IL1RAPL2: variants seen among roughly 807,000 people sequenced by gnomAD.
IL1RAPL2 encodes the protein interleukin 1 receptor accessory protein like 2, also known as X-linked interleukin-1 receptor accessory protein-like 2.
IL1RAPL2 carries 3 observed loss-of-function variants against 44.1 expected under a neutral mutation model. The observed-to-expected ratio is 0.07, with a 90% CI of 0.03 to 0.18. The LOEUF is 0.18. Ranked by LOEUF, IL1RAPL2 falls within the 10% of genes least tolerant of loss-of-function variation. The pLI, the probability that IL1RAPL2 is intolerant of heterozygous loss-of-function variation, is 1.00. For synonymous variants in IL1RAPL2, 181 were observed against 178.8 expected (o/e 1.01, Z -0.10); for missense variants, 391 against 496.4 (o/e 0.79, Z 2.02).
chrX:104,786,785 G>A (rs1212826756), intron 2 of IL1RAPL2, among the ~76,000 whole-genome samples: 1 of 111,330 alleles, frequency 9.0e-6, no homozygotes, highest in Non-Finnish European at 1.9e-5. Flanking sequence ...CAAATGAAAT[G>A]CCATAAAAAT....
intron 5 of IL1RAPL2, among the ~76,000 whole-genome samples, chrX:105,355,998 A>G (rs1045249402): frequency 4.5e-5 from 5 of 111,526 alleles, no homozygotes; most frequent in African/African-American, 1.6e-4. Context: ...CACCACCGTA[A>G]AATACCTGCT....
chrX:105,327,145 T>C (rs1437770017), intron 5 of IL1RAPL2, among the ~76,000 whole-genome samples: 1 of 111,937 alleles, frequency 8.9e-6, no homozygotes. Flanking sequence ...TTCCCAAGAA[T>C]GGACCTGCCT....
At chrX:104,582,764 CTTT>C (rs1341760411) in intron 1 of IL1RAPL2, among the ~76,000 whole-genome samples, 3 of 83,925 alleles carry the variant, frequency 3.6e-5, no homozygotes, top group Admixed American at 1.4e-4. Flanking sequence ...TTCTTTCTTT[CTTT>C]TTTCTTTCTC....
At chrX:105,399,574 C>A (rs1302372569) in intron 5 of IL1RAPL2, among the ~76,000 whole-genome samples, 4 of 111,101 alleles carry the variant, frequency 3.6e-5, no homozygotes, top group Non-Finnish European at 5.7e-5. Context: ...GTACCTGACA[C>A]AAAGTCTGGC....
At position 105,351,685 on chromosome X, in the gene IL1RAPL2, C is replaced by T. The variant is rs201899641; in HGVS notation, c.697+84144C>T. ...TAAGAGAAATATGTAATGTAGATGA[C>T]GGGTTGATGGGTGCAGCAAACCACC... On this transcript the variant is annotated intron_variant, in intron 5 of 10. Coordinates refer to ENST00000372582, the MANE Select transcript of IL1RAPL2 (RefSeq NM_017416.2). Among the ~76,000 whole-genome samples the T allele has an allele frequency of 3.4e-4, 37 of 110,282 alleles. 2 individuals carry two copies. The East Asian group carries it at 8.9e-3, about 27-fold the overall frequency.
chrX:104,997,468 C>G (rs951378999), intron 2 of IL1RAPL2, among the ~76,000 whole-genome samples: 1 of 111,459 alleles, frequency 9.0e-6, no homozygotes, highest in East Asian at 2.9e-4. Context: ...CAGAAGGTTT[C>G]AAGCAAGTAA....
At chrX:105,399,882 T>C (rs2035594632) in intron 5 of IL1RAPL2, among the ~76,000 whole-genome samples, 1 of 111,319 alleles carries the variant, frequency 9.0e-6, no homozygotes, top group Non-Finnish European at 1.9e-5. Flanking sequence ...TACACAGTGC[T>C]GTAAAGGCTA....
intron 5 of IL1RAPL2, among the ~76,000 whole-genome samples, chrX:105,440,359 A>G (rs1192069948): frequency 8.9e-6 from 1 of 112,284 alleles, no homozygotes; most frequent in African/African-American, 3.2e-5. Context: ...GGTTTAAGTG[A>G]AGCACAATAT....
chrX:104,689,395 C>A (rs1931050237), intron 2 of IL1RAPL2, among the ~76,000 whole-genome samples: 1 of 111,492 alleles, frequency 9.0e-6, no homozygotes, highest in Non-Finnish European at 1.9e-5. Context: ...GTAGAGCCAG[C>A]AGGATAACAG....
At chrX:105,173,217 C>T (rs2147601174) in intron 2 of IL1RAPL2, among the ~76,000 whole-genome samples, 1 of 111,716 alleles carries the variant, frequency 9.0e-6, no homozygotes, top group South Asian at 3.8e-4. Flanking sequence ...CATGATAAGA[C>T]CTATGTGGTA....
chrX:105,166,743 C>T (rs2033374615), intron 2 of IL1RAPL2, among the ~76,000 whole-genome samples: 1 of 111,852 alleles, frequency 8.9e-6, no homozygotes, highest in South Asian at 3.7e-4. Flanking sequence ...TGCCAGATTG[C>T]AGATTAATCA....
chrX:104,624,929 T>A (rs919173542), intron 1 of IL1RAPL2, among the ~76,000 whole-genome samples: 13 of 112,021 alleles, frequency 1.2e-4, no homozygotes, highest in Admixed American at 3.8e-4. Context: ...TATTGTCCAA[T>A]AATATGTCTT....
intron 2 of IL1RAPL2, among the ~76,000 whole-genome samples, chrX:104,671,129 C>T (rs1930592405): frequency 9.0e-6 from 1 of 110,603 alleles, no homozygotes; most frequent in Non-Finnish European, 1.9e-5. Flanking sequence ...AATATAAAAA[C>T]ACGTGTGCTA....
chrX:104,648,137 A>AT, intron 1 of IL1RAPL2: 1 of 371,199 alleles, frequency 2.7e-6, no homozygotes, highest in African/African-American at 2.6e-5. Flanking sequence ...ACATACATAG[A>AT]TTTTTCCATT....
intron 2 of IL1RAPL2, among the ~76,000 whole-genome samples, chrX:105,137,307 G>A (rs1008602541): frequency 3.6e-5 from 4 of 112,298 alleles, no homozygotes; most frequent in African/African-American, 1.3e-4. Context: ...ATAATTGCAT[G>A]TGGCTAACTG....
At chrX:104,887,569 A>G (rs1327718012) in intron 2 of IL1RAPL2, among the ~76,000 whole-genome samples, 1 of 111,338 alleles carries the variant, frequency 9.0e-6, no homozygotes, top group Non-Finnish European at 1.9e-5. Context: ...TAGGTGCCAA[A>G]GAAAGTTTAT....
chrX:104,962,894 G>A (rs2030036345), intron 2 of IL1RAPL2, among the ~76,000 whole-genome samples: 1 of 111,738 alleles, frequency 8.9e-6, no homozygotes, highest in African/African-American at 3.3e-5. Context: ...TAGGAGCGTT[G>A]GATGGCTGTT....
At chrX:105,412,205 A>G (rs915717302) in intron 5 of IL1RAPL2, among the ~76,000 whole-genome samples, 3 of 110,324 alleles carry the variant, frequency 2.7e-5, no homozygotes, top group Non-Finnish European at 3.8e-5. Context: ...TCAAAAAAGA[A>G]GAAGTATCTG....
In IL1RAPL2 at chrX:105,046,090, C is replaced by A. The variant is rs895551029; in HGVS notation, c.83-149385C>A. Among the ~76,000 whole-genome samples the A allele has an allele frequency of 3.6e-5, 4 of 111,164 alleles. No individual in the cohort carries two copies. The Admixed American group carries it at 3.9e-4, about 11-fold the overall frequency. ...AAGACTTCCAGATCCTCATAGACTT[C>A]CTAGTACATGAAGTGCTCAAGCTAC... On this transcript the variant is annotated intron_variant, in intron 2 of 10. Coordinates refer to ENST00000372582, the MANE Select transcript of IL1RAPL2 (RefSeq NM_017416.2).
Sources: allele counts gnomAD v4.1 joint callset (sites outside exome capture counted in the v4.1 genomes callset), GRCh38; gene constraint gnomAD v4.1.1; transcripts MANE v1.5; gene names NCBI Gene and HGNC (gene_info 2026-07-23, HGNC 2026-07-21).